CAMTA1: variants seen among roughly 807,000 people sequenced by gnomAD.
CAMTA1 encodes calmodulin binding transcription activator 1, also known as calmodulin-binding transcription activator 1.
CAMTA1 carries 27 observed loss-of-function variants against 170.9 expected under a neutral mutation model. The observed-to-expected ratio is 0.16, with a 90% confidence interval of 0.12 to 0.22. The LOEUF (loss-of-function observed/expected upper bound fraction) is 0.22. Among genes scored for constraint, CAMTA1 ranks in the 10% least tolerant of loss-of-function variants. The pLI, the probability that CAMTA1 is intolerant of heterozygous loss-of-function variation, is 1.00. For missense variants in CAMTA1, 1,619 were observed against 2,217.2 expected, an observed-to-expected ratio of 0.73 and a Z score of 5.42; for synonymous variants, 833 against 891.5, an observed-to-expected ratio of 0.93 and a Z score of 1.17.
chr1:7,467,994 G>A (rs1039111999), intron 6 of CAMTA1, 93 bp downstream of exon 6: 40 of 1,029,454 alleles, frequency 3.9e-5, no homozygotes, highest in Middle Eastern at 2.3e-4. Flanking sequence ...CATGCGACAC[G>A]GCTTCGGGCT....
intron 4 of CAMTA1, among the ~76,000 whole-genome samples, chr1:7,177,592 C>T (rs1007803573): frequency 7.7e-5 from 11 of 142,740 alleles, no homozygotes; most frequent in East Asian, 2.3e-4. Flanking sequence ...CTCCCCATAC[C>T]GAGGCCCCTC....
In CAMTA1 at chr1:6,979,746, G is replaced by C. The variant is rs1193113586; in HGVS notation, c.235-111558G>C. 3.3e-5 allele frequency among the ~76,000 whole-genome samples: 5 copies of C among 152,236 alleles called. No homozygotes were observed. In the South Asian group the frequency reaches 1.0e-3, roughly 32 times the overall value. On this transcript the variant is annotated intron_variant, in intron 3 of 22. Transcript: ENST00000303635. ...AAGCTGAGCTGGTGGTGGTGTAGCTGGGGGAGAGGACCCCCAGTGCTTGGG... is the reference window on the plus strand; with the variant it reads ...AAGCTGAGCTGGTGGTGGTGTAGCTCGGGGAGAGGACCCCCAGTGCTTGGG...
intron 3 of CAMTA1, among the ~76,000 whole-genome samples, chr1:7,009,266 TG>T (rs1026772745): frequency 1.3e-5 from 2 of 152,132 alleles, no homozygotes; most frequent in Non-Finnish European, 2.9e-5. Flanking sequence ...GGGAGGTTTC[TG>T]GGGGGCTAGG....
At chr1:7,009,707 C>G (rs769457704) in intron 3 of CAMTA1, among the ~76,000 whole-genome samples, 1 of 152,246 alleles carries the variant, frequency 6.6e-6, no homozygotes, top group Non-Finnish European at 1.5e-5. Flanking sequence ...GCACTCCCAA[C>G]CTTGCCTCCC....
intron 1 of CAMTA1, among the ~76,000 whole-genome samples, chr1:6,807,279 G>C (rs755539205): frequency 7.2e-5 from 11 of 152,214 alleles, no homozygotes; most frequent in Non-Finnish European, 1.5e-4. Context: ...TTTTGGGAAA[G>C]AGTATCTGAA....
intron 1 of CAMTA1, among the ~76,000 whole-genome samples, chr1:6,802,115 C>G (rs146122963): frequency 8.5e-5 from 13 of 152,306 alleles, no homozygotes; most frequent in African/African-American, 1.2e-4. Context: ...ATCGTAGCCT[C>G]TCGGGACAGA....
intron 3 of CAMTA1, among the ~76,000 whole-genome samples, chr1:6,859,826 A>G (rs1663955678): frequency 6.6e-6 from 1 of 152,182 alleles, no homozygotes; most frequent in African/African-American, 2.4e-5. Flanking sequence ...TAGAATACCA[A>G]TTTGGACTCT....
intron 3 of CAMTA1, among the ~76,000 whole-genome samples, chr1:6,947,920 C>T (rs992512663): frequency 5.3e-5 from 8 of 152,004 alleles, no homozygotes; most frequent in South Asian, 2.1e-4. Context: ...ATAGAGTTTT[C>T]GTGGATTCTT....
chr1:6,804,278 G>A (rs949999482), intron 1 of CAMTA1, among the ~76,000 whole-genome samples: 1 of 146,706 alleles, frequency 6.8e-6, no homozygotes, highest in Non-Finnish European at 1.5e-5. Context: ...TTGGCCTCCC[G>A]AAGTGCTGGG....
intron 3 of CAMTA1, among the ~76,000 whole-genome samples, chr1:6,947,142 G>A (rs1687703683): frequency 6.6e-6 from 1 of 152,108 alleles, no homozygotes; most frequent in African/African-American, 2.4e-5. Context: ...GTTAACTTCT[G>A]AACTCTCTAT....
In CAMTA1 at chr1:7,580,592, C is replaced by T. The variant is rs933312992; in HGVS notation, c.511-59808C>T. ...CACTAACAAGTGCCAAGCCCTCCCACGTTTGGGGACAGCCGTGTCAGAGAC... is the reference window on the plus strand; with the variant it reads ...CACTAACAAGTGCCAAGCCCTCCCATGTTTGGGGACAGCCGTGTCAGAGAC... On this transcript the variant is annotated intron_variant, in intron 6 of 22. Coordinates refer to ENST00000303635, the MANE Select transcript of CAMTA1 (RefSeq NM_015215.4). This position sits in a 1 kb window ranked among gnomAD's most constrained non-coding sequence, Gnocchi z 4.3. 3.3e-5 allele frequency among the ~76,000 whole-genome samples: 5 copies of T among 151,884 alleles called. No homozygotes were observed. The highest frequency in any genetic ancestry group is 9.7e-5 in the African/African-American group (4 of 41,352).
At chr1:7,679,668 G>C (rs1371182760) in intron 11 of CAMTA1, among the ~76,000 whole-genome samples, 1 of 152,168 alleles carries the variant, frequency 6.6e-6, no homozygotes, top group East Asian at 1.9e-4. Flanking sequence ...GAGGGTGACA[G>C]GAATTGGGGC....
chr1:6,924,164 T>C (rs947214240), intron 3 of CAMTA1, among the ~76,000 whole-genome samples: 7 of 152,208 alleles, frequency 4.6e-5, no homozygotes, highest in Non-Finnish European at 1.5e-5. Flanking sequence ...CCAGGCACTG[T>C]TCCCGGGACT....
At chr1:6,978,887 G>C (rs560062246) in intron 3 of CAMTA1, among the ~76,000 whole-genome samples, 17 of 152,220 alleles carry the variant, frequency 1.1e-4, no homozygotes, top group Admixed American at 3.9e-4. Context: ...GGAGGTACTG[G>C]ATGAGCATAG....
At chr1:7,393,974 A>G (rs1012620413) in intron 5 of CAMTA1, among the ~76,000 whole-genome samples, 1 of 152,144 alleles carries the variant, frequency 6.6e-6, no homozygotes, top group Non-Finnish European at 1.5e-5. Context: ...GGCTTATTTC[A>G]CTTAACAAAA....
At chr1:7,302,864 T>C (rs12025895) in intron 5 of CAMTA1, among the ~76,000 whole-genome samples, 58,065 of 152,036 alleles carry the variant, frequency 0.38, 12,485 homozygotes, top group Admixed American at 0.52. Flanking sequence ...GCTGGCAATC[T>C]GCAGCAGAAT....
chr1:7,400,531 A>G (rs2089811053), intron 5 of CAMTA1, among the ~76,000 whole-genome samples: 1 of 151,452 alleles, frequency 6.6e-6, no homozygotes, highest in Non-Finnish European at 1.5e-5. Flanking sequence ...TGATGGTGTC[A>G]TATTTCTTTG....
rs1254240296 is a variant in CAMTA1 at position 6,811,797 on chromosome 1, C to T, written c.46-8384C>T. Among the ~76,000 whole-genome samples the T allele has an allele frequency of 3.3e-5, 5 of 152,306 alleles. No individual in the cohort carries two copies. The East Asian group carries it at 9.6e-4, about 29-fold the overall frequency. Reference sequence around the variant, plus strand: ...CTGTGTTCGGATTAAGGGAGGTTCCCAGATAGCCGACCTCCATTCCGGGGC... The same window carrying T: ...CTGTGTTCGGATTAAGGGAGGTTCCTAGATAGCCGACCTCCATTCCGGGGC... On this transcript the variant is annotated intron_variant, in intron 1 of 22. Coordinates refer to ENST00000303635, the MANE Select transcript of CAMTA1 (RefSeq NM_015215.4).
intron 6 of CAMTA1, among the ~76,000 whole-genome samples, chr1:7,602,959 G>C (rs1334063865): frequency 2.6e-5 from 4 of 152,206 alleles, no homozygotes; most frequent in Non-Finnish European, 5.9e-5. Context: ...ATGTAGTTGA[G>C]TGGTTTTGAG....
Sources: allele counts gnomAD v4.1 joint callset (sites outside exome capture counted in the v4.1 genomes callset), GRCh38; gene constraint gnomAD v4.1.1; non-coding constraint Gnocchi (gnomAD v3.1); transcripts MANE v1.5; gene names NCBI Gene and HGNC (gene_info 2026-07-23, HGNC 2026-07-21).